Variants in CELSR1 observed in about 807,000 individuals in gnomAD.
CELSR1 encodes the protein cadherin EGF LAG seven-pass G-type receptor 1.
CELSR1 carries 110 observed loss-of-function variants against 249.1 expected under a neutral mutation model. The observed-to-expected ratio is 0.44, with a 90% CI of 0.38 to 0.52. CELSR1 has a LOEUF of 0.52. CELSR1 is among the 20% of genes least tolerant of loss of function. The pLI is 0.00. For synonymous variants in CELSR1, 2,113 were observed against 1,900.0 expected (o/e 1.11, Z -2.92); for missense variants, 4,109 against 4,296.4 (o/e 0.96, Z 1.22).
At chr22:46,531,914 G>C (rs1315782181) in intron 1 of CELSR1, among the ~76,000 whole-genome samples, 1 of 151,608 alleles carries the variant, frequency 6.6e-6, no homozygotes, top group Non-Finnish European at 1.5e-5. Context: ...GAGAGTACGA[G>C]TGTGTCCACA....
rs41279837 is a variant in CELSR1 at position 46,535,153 on chromosome 22, A to G, written c.2018T>C (p.Val673Ala). 340 of 1,610,084 alleles carry G rather than the reference A, an allele frequency of 2.1e-4. No individual in the cohort carries two copies. Among genetic ancestry groups the G allele is most frequent in the Non-Finnish European group, 2.8e-4 (329 of 1,179,632 alleles). The change falls in exon 1 of 35, where the codon GTG becomes GCG. Residue 673 changes from valine (V) to alanine (A), a missense_variant. Physicochemically the swap from Val to Ala is moderately conservative, Grantham distance 64. Coordinates refer to ENST00000674500, the MANE Select transcript of CELSR1 (RefSeq NM_001378328.1). ...GSPPMSSSTS[V>A]SITVLDVNDN... ...ATTCACGTCCAGCACCGTGATGGAC[A>G]CGCTGGTGGAGGAGCTCATGGGGGG...
intron 1 of CELSR1, among the ~76,000 whole-genome samples, chr22:46,474,785 C>CTTTTTTTT (rs1569189753): frequency 4.4e-5 from 2 of 45,196 alleles, no homozygotes; most frequent in African/African-American, 1.9e-4. Context: ...CTACTCTCTA[C>CTTTTTTTT]TTCTTTTTTT....
Position 46,533,936 on chromosome 22 carries a change from C to A in CELSR1, c.3235G>T (p.Ala1079Ser), listed in dbSNP as rs1019183722. ...ACCGTGGCTCGGCTCACCAGCGGAG[C>A]CGACGTGGCCTGCACCACCAGCACA... Reference protein sequence around the residue: ...EYVLVVQATSAPLVSRATVHI... With the variant: ...EYVLVVQATSSPLVSRATVHI... Residue 1079 changes from alanine to serine, a missense_variant, in exon 1 of 35, where the codon GCT (alanine) becomes TCT (serine). Ala to Ser is a moderately conservative substitution (Grantham distance 99). This residue lies in a region of CELSR1 where 886 missense variants were observed against 896.5 expected (regional missense o/e 0.99). Transcript: ENST00000674500. The A allele has an allele frequency of 3.7e-6, 6 of 1,613,022 alleles. No homozygotes were observed. The highest frequency in any genetic ancestry group is 1.3e-5 in the African/African-American group (1 of 74,942).
At position 46,411,173 on chromosome 22, in the gene CELSR1, T is replaced by C. The variant is rs533384346; in HGVS notation, c.4769+429A>G. 6.6e-6 allele frequency among the ~76,000 whole-genome samples: 1 copy of C among 152,256 alleles called. No homozygotes were observed. The highest frequency in any genetic ancestry group is 2.4e-5 in the African/African-American group (1 of 41,544). ...AGAATCGTGCCACTGCACTCCAGCC[T>C]GGGCAACAGAGCGAGACCCCATCTC... On this transcript the variant is annotated intron_variant, in intron 6 of 34. Transcript: ENST00000674500. This position sits in a 1 kb window ranked among gnomAD's most constrained non-coding sequence, Gnocchi z 4.2.
intron 1 of CELSR1, among the ~76,000 whole-genome samples, chr22:46,478,253 G>T (rs1423375963): frequency 6.6e-6 from 1 of 152,232 alleles, no homozygotes; most frequent in African/African-American, 2.4e-5. Flanking sequence ...CCCAGAGATT[G>T]ACACGGGCTG....
intron 9 of CELSR1, among the ~76,000 whole-genome samples, chr22:46,404,884 G>A (rs8141146): frequency 0.087 from 13,230 of 152,090 alleles, 1,827 homozygotes; most frequent in African/African-American, 0.3. Flanking sequence ...GAGTACAGTG[G>A]TATAACCTTG....
Position 46,408,993 on chromosome 22 carries a change from C to A in CELSR1, c.5226+3G>T. ...TGCCTTGGTGGCACGGGGCCCCAGT[C>A]ACCTGGAGGCGAAAGCTGGTGGGCC... is the stretch of plus-strand genomic sequence containing the variant. On this transcript the variant is annotated splice_donor_region_variant and intron_variant, in intron 9 of 34. Transcript: ENST00000674500. This position sits in a 1 kb window ranked among gnomAD's most constrained non-coding sequence, Gnocchi z 4.6. 1.2e-6 allele frequency: 2 copies of A among 1,602,118 alleles called. No homozygotes were observed. Among genetic ancestry groups the A allele is most frequent in the South Asian group, 2.2e-5 (2 of 89,382 alleles).
Position 46,534,030 on chromosome 22 carries a change from G to A in CELSR1, c.3141C>T (p.Phe1047=), listed in dbSNP as rs760684048. 60 of 1,613,600 alleles carry A rather than the reference G, an allele frequency of 3.7e-5. No individual in the cohort carries two copies. The African/African-American group carries it at 5.6e-4, about 15-fold the overall frequency. Residue 1047 remains phenylalanine, a synonymous_variant, in exon 1 of 35, where the codon TTC becomes TTT. Transcript: ENST00000674500. This position sits in a 1 kb window ranked among gnomAD's most constrained non-coding sequence, Gnocchi z 9.7. ...GGTCCCCGTTGAGCAGGTCCAGCTGGAAGAAATGCCGCATGTCCCCTTCCA... is the reference window on the plus strand; with the variant it reads ...GGTCCCCGTTGAGCAGGTCCAGCTGAAAGAAATGCCGCATGTCCCCTTCCA... ...QIVEGDMRHF[F]QLDLLNGDLR...
chr22:46,494,108 G>C (rs571443260), intron 1 of CELSR1, among the ~76,000 whole-genome samples: 1 of 152,114 alleles, frequency 6.6e-6, no homozygotes, highest in Non-Finnish European at 1.5e-5. Flanking sequence ...TTTATTCCTT[G>C]TGACTTGACT....
rs757821168 is a variant in CELSR1, at chr22:46,411,556, G to A, written c.4769+46C>T. 6.8e-6 allele frequency: 11 copies of A among 1,609,446 alleles called. No individual in the cohort carries two copies. The South Asian group carries it at 1.1e-4, about 16-fold the overall frequency. On this transcript the variant is annotated intron_variant, in intron 6 of 34. Transcript: ENST00000674500. The surrounding 1 kb of genome is among the most constrained non-coding windows in gnomAD (Gnocchi z 4.2). ...CCTGGGAAGGCCGCAGGGTGAGCAT[G>A]TTTGGGGGTACGGACCCCCAGGGCC...
At position 46,430,132 on chromosome 22, in the gene CELSR1, A is replaced by G. The variant is rs926021523; in HGVS notation, c.4611+3261T>C. ...CACCCGGGAGATCATGCTCAGATCT[A>G]AAATGCAGGTGGCCCACACCTCAGA... On this transcript the variant is annotated intron_variant, in intron 5 of 34. Transcript: ENST00000674500. The surrounding 1 kb of genome is among the most constrained non-coding windows in gnomAD (Gnocchi z 4.6). Among the ~76,000 whole-genome samples, 6 of 152,202 alleles carry G rather than the reference A, an allele frequency of 3.9e-5. No individual in the cohort carries two copies. In the East Asian group the frequency reaches 1.2e-3, roughly 29 times the overall value.
rs971470917 is a variant in CELSR1, at chr22:46,401,735, C to A, written c.5227-1833G>T. Among the ~76,000 whole-genome samples the A allele has an allele frequency of 2.0e-5, 3 of 152,178 alleles. No homozygotes were observed. The South Asian group carries it at 6.2e-4, about 31-fold the overall frequency. On this transcript the variant is annotated intron_variant, in intron 9 of 34. Coordinates refer to ENST00000674500, the MANE Select transcript of CELSR1 (RefSeq NM_001378328.1). The surrounding 1 kb of genome is among the most constrained non-coding windows in gnomAD (Gnocchi z 4.7). ...GTTGTTCCTTGGCTTCTGGTTGGAA[C>A]CCTGAGGGGTTTACACTAACGATAA...
Position 46,534,311 on chromosome 22 carries a change from G to A in CELSR1, c.2860C>T (p.Arg954Cys), listed in dbSNP as rs772804547. The A allele has an allele frequency of 1.9e-6, 3 of 1,613,054 alleles. No homozygotes were observed. Among genetic ancestry groups the A allele is most frequent in the South Asian group, 1.1e-5 (1 of 91,088 alleles). ...GCCACATTCTCCCGGTCCAGCCGGC[G>A]CTGGGTGCGAATCACACCGGACGTG... is the stretch of plus-strand genomic sequence containing the variant. The part of the protein sequence containing the change: ...EPTSGVIRTQ[R>C]RLDRENVAVY... The change falls in exon 1 of 35, where the codon CGC (arginine) becomes TGC (cysteine). Residue 954 changes from arginine to cysteine, a missense_variant. Around this residue, in one of 7 missense-constraint regions of CELSR1, gnomAD observed 886 missense variants for 896.5 expected, o/e 0.99. Transcript: ENST00000674500. This position sits in a 1 kb window ranked among gnomAD's most constrained non-coding sequence, Gnocchi z 9.7.
chr22:46,372,521 C>T (rs2078866611), intron 25 of CELSR1, among the ~76,000 whole-genome samples: 1 of 144,294 alleles, frequency 6.9e-6, no homozygotes, highest in South Asian at 2.3e-4. Context: ...CCCACCCACC[C>T]ATTCATCCTC....
intron 5 of CELSR1, among the ~76,000 whole-genome samples, chr22:46,420,336 A>G (rs529987095): frequency 2.0e-5 from 3 of 150,914 alleles, no homozygotes; most frequent in African/African-American, 7.3e-5. Context: ...CCACTCGTGC[A>G]CTCATGTGCA....
Position 46,537,216 on chromosome 22 carries a change from C to A in CELSR1, c.-46G>T. On this transcript the variant is annotated 5_prime_UTR_variant, in exon 1 of 35. Coordinates refer to ENST00000674500, the MANE Select transcript of CELSR1 (RefSeq NM_001378328.1). The surrounding 1 kb of genome is among the most constrained non-coding windows in gnomAD (Gnocchi z 5.8). ...GCCGGGCGCCCGAACACAATCCATG[C>A]ACCCGGCGCGCCTCCGCATCCACCC... is the stretch of plus-strand genomic sequence containing the variant. The A allele has an allele frequency of 9.8e-7, 1 of 1,015,926 alleles. No individual in the cohort carries two copies. Among genetic ancestry groups the A allele is most frequent in the Non-Finnish European group, 1.2e-6 (1 of 851,586 alleles). 62.9% of individuals were successfully genotyped at this position (1,015,926 alleles called of 1,614,324 possible). A position where few individuals can be genotyped will look rare whatever the true frequency, so the allele number is the denominator to read the frequency against.
At chr22:46,382,379 G>A (rs1449143106) in intron 20 of CELSR1, among the ~76,000 whole-genome samples, 2 of 152,110 alleles carry the variant, frequency 1.3e-5, no homozygotes, top group East Asian at 1.9e-4. Context: ...CCGGGTTCAC[G>A]CCATTCTCCT....
At chr22:46,496,102 G>A (rs5767227) in intron 1 of CELSR1, among the ~76,000 whole-genome samples, 34,585 of 151,362 alleles carry the variant, frequency 0.23, 3,985 homozygotes, top group Middle Eastern at 0.27. Context: ...GCTGAGGCAG[G>A]AGAATCACTT....
chr22:46,430,199 G>A lies in CELSR1; in HGVS notation c.4611+3194C>T, dbSNP rs2079578661. Among the ~76,000 whole-genome samples the A allele has an allele frequency of 6.6e-6, 1 of 152,240 alleles. No individual in the cohort carries two copies. Among genetic ancestry groups the A allele is most frequent in the South Asian group, 2.1e-4 (1 of 4,832 alleles). ...AGGGCGGGGGACAGAGAACGAGACT[G>A]AAGAGAGGAGGGTGGGCAGCAGCGG... On this transcript the variant is annotated intron_variant, in intron 5 of 34. Transcript: ENST00000674500. The surrounding 1 kb of genome is among the most constrained non-coding windows in gnomAD (Gnocchi z 4.6).
Sources: allele counts gnomAD v4.1 joint callset (sites outside exome capture counted in the v4.1 genomes callset), GRCh38; gene constraint gnomAD v4.1.1; regional missense constraint gnomAD v4.1.1; non-coding constraint Gnocchi (gnomAD v3.1); transcripts MANE v1.5; gene names NCBI Gene and HGNC (gene_info 2026-07-23, HGNC 2026-07-21).